Variants in PCDH11X observed in about 807,000 individuals in gnomAD.
PCDH11X encodes the protein protocadherin 11 X-linked.
In PCDH11X, 18 loss-of-function variants were observed where a neutral mutation model predicts 53.3. The ratio of observed to expected loss-of-function variants is 0.34; its 90% CI spans 0.23 to 0.50. The LOEUF (loss-of-function observed/expected upper bound fraction) is 0.50, where lower values mean the gene tolerates loss of function less well. Among genes scored for constraint, PCDH11X ranks in the 20% least tolerant of loss-of-function variants. The pLI, the probability that PCDH11X is intolerant of heterozygous loss-of-function variation, is 0.98. For synonymous variants in PCDH11X, 279 were observed against 393.3 expected (o/e 0.71, Z 3.44); for missense variants, 570 against 1,032.4 (o/e 0.55, Z 6.14).
intron 6 of PCDH11X, among the ~76,000 whole-genome samples, chrX:91,882,528 T>A (rs923277033): frequency 2.7e-5 from 3 of 111,118 alleles, no homozygotes; most frequent in Non-Finnish European, 5.7e-5. Flanking sequence ...GGTCTTCCAG[T>A]CACTGTCTAA....
rs747484622 is a variant in PCDH11X, at chrX:92,325,753, T to G, written c.3145-61982T>G. On this transcript the variant is annotated intron_variant, in intron 8 of 10. Coordinates refer to ENST00000682573, the MANE Select transcript of PCDH11X (RefSeq NM_032968.5). ...TCTGCCTCCAATACACCCCTTAATC[T>G]AGCACTTGTCCCCATGCTGTCCCAT... is the stretch of plus-strand genomic sequence containing the variant. 2.9e-4 allele frequency among the ~76,000 whole-genome samples: 32 copies of G among 110,534 alleles called. No individual in the cohort carries two copies. In the East Asian group the frequency reaches 4.0e-3, roughly 14 times the overall value.
At chrX:92,147,876 CTT>C (rs2065313904) in intron 6 of PCDH11X, among the ~76,000 whole-genome samples, 1 of 58,363 alleles carries the variant, frequency 1.7e-5, no homozygotes, top group Non-Finnish European at 3.4e-5. Flanking sequence ...TCTTTCCTTT[CTT>C]TCTTTTTCTT....
chrX:92,287,150 TTTCTC>T, intron 8 of PCDH11X, among the ~76,000 whole-genome samples: 1 of 111,475 alleles, frequency 9.0e-6, no homozygotes, highest in East Asian at 2.8e-4. Flanking sequence ...TAGTGCTTCT[TTTCTC>T]TTATTTATTT....
At chrX:92,512,777 A>C (rs1174606014) in intron 10 of PCDH11X, among the ~76,000 whole-genome samples, 1 of 111,753 alleles carries the variant, frequency 8.9e-6, no homozygotes, top group Non-Finnish European at 1.9e-5. Context: ...GTAGAAGGCA[A>C]CATCATGTAG....
chrX:92,297,189 G>A (rs1470170261), intron 8 of PCDH11X, among the ~76,000 whole-genome samples: 3 of 110,422 alleles, frequency 2.7e-5, no homozygotes, highest in Admixed American at 9.8e-5. Context: ...TGTCATAATT[G>A]CTTTTGATTT....
intron 9 of PCDH11X, chrX:92,460,197 G>A (rs2073007495): frequency 2.2e-6 from 2 of 920,127 alleles, no homozygotes; most frequent in Admixed American, 2.2e-5. Flanking sequence ...GCCAGTCTGT[G>A]GAGAACGACA....
intron 6 of PCDH11X, among the ~76,000 whole-genome samples, chrX:91,909,061 CA>C (rs1485918712): frequency 6.3e-5 from 7 of 110,824 alleles, no homozygotes; most frequent in Middle Eastern, 4.7e-3. Context: ...ACAAAACATG[CA>C]AGATAAAATA....
chrX:92,248,829 G>A (rs1260215791), intron 7 of PCDH11X, among the ~76,000 whole-genome samples: 2 of 110,624 alleles, frequency 1.8e-5, no homozygotes, highest in African/African-American at 6.6e-5. Context: ...TGCCTCCTGA[G>A]TAGCTGGGAT....
intron 8 of PCDH11X, among the ~76,000 whole-genome samples, chrX:92,267,280 G>A (rs1457198503): frequency 8.9e-6 from 1 of 111,865 alleles, no homozygotes; most frequent in Non-Finnish European, 1.9e-5. Flanking sequence ...TTGTTAAAGA[G>A]AATGTTCACT....
chrX:92,544,155 A>T (rs2074806122), intron 10 of PCDH11X, among the ~76,000 whole-genome samples: 1 of 111,005 alleles, frequency 9.0e-6, no homozygotes, highest in African/African-American at 3.3e-5. Context: ...AGCAGGTACC[A>T]CTTATTTTTA....
chrX:92,158,030 C>T (rs1454007720), intron 6 of PCDH11X, among the ~76,000 whole-genome samples: 1 of 110,614 alleles, frequency 9.0e-6, no homozygotes, highest in Admixed American at 9.7e-5. Flanking sequence ...GCCTGACCAA[C>T]ATGGTGAAAC....
intron 6 of PCDH11X, among the ~76,000 whole-genome samples, chrX:92,033,052 T>G (rs2148017362): frequency 9.3e-6 from 1 of 107,595 alleles, no homozygotes; most frequent in African/African-American, 3.4e-5. Flanking sequence ...AGCGATCTGC[T>G]CACCTCAGCC....
intron 5 of PCDH11X, among the ~76,000 whole-genome samples, chrX:91,870,276 C>A (rs1337629745): frequency 1.8e-5 from 2 of 111,408 alleles, no homozygotes; most frequent in Non-Finnish European, 3.8e-5. Flanking sequence ...GTAATAAAAT[C>A]ATCTGATTGT....
At chrX:92,164,262 G>A (rs35626465) in intron 6 of PCDH11X, among the ~76,000 whole-genome samples, 5,850 of 111,281 alleles carry the variant, frequency 0.053, 443 homozygotes, top group African/African-American at 0.18. Context: ...TACTAAACAG[G>A]ATGACTTTAT....
intron 6 of PCDH11X, among the ~76,000 whole-genome samples, chrX:91,905,951 G>T (rs2524585): frequency 5.4e-5 from 6 of 111,562 alleles, no homozygotes; most frequent in African/African-American, 2.0e-4. Flanking sequence ...TAGACTTCAT[G>T]CATATAATTA....
At chrX:91,929,696 A>G (rs1316775427) in intron 6 of PCDH11X, among the ~76,000 whole-genome samples, 2 of 111,644 alleles carry the variant, frequency 1.8e-5, no homozygotes, top group Non-Finnish European at 3.8e-5. Context: ...GATAAAATGC[A>G]AAGGAAGTGA....
intron 10 of PCDH11X, among the ~76,000 whole-genome samples, chrX:92,596,386 A>T (rs969248752): frequency 1.9e-5 from 2 of 107,575 alleles, no homozygotes; most frequent in African/African-American, 6.9e-5. Context: ...GATTGAAACA[A>T]CCTTTGCAAA....
intron 6 of PCDH11X, among the ~76,000 whole-genome samples, chrX:91,904,211 C>T (rs1290106443): frequency 6.3e-5 from 7 of 110,787 alleles, no homozygotes; most frequent in Non-Finnish European, 1.1e-4. Flanking sequence ...GTGGTTTTTG[C>T]GATTAAAAGT....
At chrX:92,171,611 C>T (rs953875613) in intron 6 of PCDH11X, among the ~76,000 whole-genome samples, 2 of 110,788 alleles carry the variant, frequency 1.8e-5, no homozygotes, top group Non-Finnish European at 3.8e-5. Context: ...AGGCATGTGC[C>T]GCCATGCCTG....
Sources: allele counts gnomAD v4.1 joint callset (sites outside exome capture counted in the v4.1 genomes callset), GRCh38; gene constraint gnomAD v4.1.1; transcripts MANE v1.5; gene names NCBI Gene and HGNC (gene_info 2026-07-23, HGNC 2026-07-21).